RBFOX1: variants seen among roughly 807,000 people sequenced by gnomAD.
RBFOX1 encodes RNA binding protein fox-1 homolog 1.
Under a neutral mutation model 57.7 loss-of-function variants are expected in RBFOX1, and 8 were observed. The observed-to-expected ratio is 0.14, with a 90% confidence interval of 0.08 to 0.25. The LOEUF (loss-of-function observed/expected upper bound fraction) is 0.25. Ranked by LOEUF, RBFOX1 falls within the 10% of genes least tolerant of loss-of-function variation. The pLI, the probability that RBFOX1 is intolerant of heterozygous loss-of-function variation, is 1.00. For missense variants in RBFOX1, 611 were observed against 548.5 expected, an observed-to-expected ratio of 1.11 and a Z score of -1.14; for synonymous variants, 326 against 222.4, an observed-to-expected ratio of 1.47 and a Z score of -4.15.
At chr16:5,579,981 G>A (rs903361942) in intron 2 of RBFOX1, among the ~76,000 whole-genome samples, 5 of 152,040 alleles carry the variant, frequency 3.3e-5, no homozygotes, top group African/African-American at 1.2e-4. Flanking sequence ...AACATGGCTG[G>A]ACTGGTCTTG....
intron 1 of RBFOX1, among the ~76,000 whole-genome samples, chr16:6,087,105 T>C (rs2096097343): frequency 6.6e-6 from 1 of 152,180 alleles, no homozygotes; most frequent in Non-Finnish European, 1.5e-5. Context: ...AGTAATCCAA[T>C]TTCCGTCAGC....
At chr16:7,153,312 C>A (rs1041533184) in intron 4 of RBFOX1, among the ~76,000 whole-genome samples, 1 of 152,036 alleles carries the variant, frequency 6.6e-6, no homozygotes, top group Non-Finnish European at 1.5e-5. Flanking sequence ...TGATTTATTT[C>A]ATTTGATAAA....
intron 5 of RBFOX1, among the ~76,000 whole-genome samples, chr16:7,530,068 G>A (rs1029955332): frequency 6.6e-5 from 10 of 151,460 alleles, no homozygotes; most frequent in Admixed American, 5.3e-4. Flanking sequence ...CTGTATTTCA[G>A]GTTCATAAAA....
Position 6,262,846 on chromosome 16 carries a change from G to A in RBFOX1, c.-126-54149G>A, listed in dbSNP as rs140646834. ...TACCAGGGTCACAGTGGGCAACAAG[G>A]CAGGCCATCTCACAACCCTCATGGA... On this transcript the variant is annotated intron_variant, in intron 1 of 15. Transcript: ENST00000550418. Among the ~76,000 whole-genome samples the A allele has an allele frequency of 1.4e-4, 22 of 152,240 alleles. No homozygotes were observed. The East Asian group carries it at 3.3e-3, about 23-fold the overall frequency.
intron 3 of RBFOX1, among the ~76,000 whole-genome samples, chr16:6,693,202 C>G (rs1019076253): frequency 4.6e-5 from 7 of 151,664 alleles, no homozygotes; most frequent in Admixed American, 4.6e-4. Context: ...GCTACCATCA[C>G]CACCATCATC....
chr16:7,709,704 G>T, intron 15 of RBFOX1: 1 of 1,118,428 alleles, frequency 8.9e-7, no homozygotes, highest in South Asian at 2.8e-5. Flanking sequence ...AGCTGGGTTT[G>T]GGGGTTGCCT....
At chr16:7,567,465 ATATATATCCCTATGTATGGCCCTATATG>A (rs2092091454) in intron 5 of RBFOX1, among the ~76,000 whole-genome samples, 1 of 129,224 alleles carries the variant, frequency 7.7e-6, no homozygotes, top group Non-Finnish European at 1.6e-5. Context: ...ATGGCCCTAT[ATATATATCCCTATGTATGGCCCTATATG>A]TATATCCCTA....
intron 3 of RBFOX1, among the ~76,000 whole-genome samples, chr16:6,796,443 C>T (rs1021746660): frequency 4.6e-5 from 7 of 152,054 alleles, no homozygotes; most frequent in East Asian, 1.9e-4. Context: ...AGCACCCTAA[C>T]CCCCCACTGC....
At chr16:7,565,568 C>T (rs1440092970) in intron 5 of RBFOX1, among the ~76,000 whole-genome samples, 1 of 152,182 alleles carries the variant, frequency 6.6e-6, no homozygotes, top group Admixed American at 6.5e-5. Flanking sequence ...ATCAAGACCG[C>T]TCTTCAGTCT....
At chr16:7,105,777 G>GAGATATATATCTATATATCT (rs2063477061) in intron 4 of RBFOX1, among the ~76,000 whole-genome samples, 1 of 104,638 alleles carries the variant, frequency 9.6e-6, no homozygotes, top group Non-Finnish European at 1.9e-5. Flanking sequence ...TATCTATGTA[G>GAGATATATATCTATATATCT]ATGTATATAG....
At chr16:7,508,089 C>T (rs759920994) in intron 4 of RBFOX1, among the ~76,000 whole-genome samples, 2 of 151,914 alleles carry the variant, frequency 1.3e-5, no homozygotes, top group South Asian at 2.1e-4. Context: ...CGGGTTCAAG[C>T]GATTCTCGTG....
chr16:6,009,650 T>C (rs985499601), intron 4 of RBFOX1, among the ~76,000 whole-genome samples: 13 of 152,060 alleles, frequency 8.5e-5, no homozygotes, highest in African/African-American at 3.1e-4. Context: ...AAGGGAAATA[T>C]CCATGCACAA....
chr16:5,690,626 T>A (rs1393935745), intron 3 of RBFOX1, among the ~76,000 whole-genome samples: 2 of 152,180 alleles, frequency 1.3e-5, no homozygotes, highest in Non-Finnish European at 2.9e-5. Context: ...GGACTCGATT[T>A]TACTTCCCTC....
At position 6,859,151 on chromosome 16, in the gene RBFOX1, A is replaced by ACG. The variant is rs1555536823; in HGVS notation, c.-15-192906_-15-192905insCG. ...TATACATATATATACGTATATATAT[A>ACG]TGTATATATATACGTATATATATGT... On this transcript the variant is annotated intron_variant, in intron 3 of 15. Transcript: ENST00000550418. Among the ~76,000 whole-genome samples, 48 of 81,884 alleles carry ACG rather than the reference A, an allele frequency of 5.9e-4. 1 individual carries two copies. Among genetic ancestry groups the ACG allele is most frequent in the African/African-American group, 1.3e-3 (25 of 19,792 alleles). The allele number at this position is 81,884 out of a possible 152,430, so 53.7% of individuals were successfully genotyped here. A position where few individuals can be genotyped will look rare whatever the true frequency, so the allele number is the denominator to read the frequency against.
At chr16:6,588,969 A>G (rs947243781) in intron 2 of RBFOX1, among the ~76,000 whole-genome samples, 1 of 152,146 alleles carries the variant, frequency 6.6e-6, no homozygotes, top group African/African-American at 2.4e-5. Flanking sequence ...TAACCTATGC[A>G]TCTGTACTTT....
chr16:6,520,057 A>T (rs1193191625), intron 2 of RBFOX1, among the ~76,000 whole-genome samples: 1 of 152,122 alleles, frequency 6.6e-6, no homozygotes, highest in African/African-American at 2.4e-5. Context: ...TGCAGGTGCT[A>T]AGGTTTCTTA....
At chr16:7,152,772 C>G (rs371843517) in intron 4 of RBFOX1, among the ~76,000 whole-genome samples, 1 of 152,102 alleles carries the variant, frequency 6.6e-6, no homozygotes, top group Non-Finnish European at 1.5e-5. Context: ...GGTCCAGGTA[C>G]GATATTTTAT....
intron 3 of RBFOX1, among the ~76,000 whole-genome samples, chr16:5,778,002 G>A (rs1422807227): frequency 3.9e-5 from 6 of 152,126 alleles, no homozygotes; most frequent in African/African-American, 1.2e-4. Flanking sequence ...CAAAGATTCA[G>A]GAGCATTAAG....
At chr16:6,844,637 C>T (rs1191839152) in intron 3 of RBFOX1, among the ~76,000 whole-genome samples, 2 of 152,096 alleles carry the variant, frequency 1.3e-5, no homozygotes, top group African/African-American at 4.8e-5. Flanking sequence ...AATAGTGCTG[C>T]AATTAACTTA....
Sources: allele counts gnomAD v4.1 joint callset (sites outside exome capture counted in the v4.1 genomes callset), GRCh38; gene constraint gnomAD v4.1.1; transcripts MANE v1.5; gene names NCBI Gene and HGNC (gene_info 2026-07-23, HGNC 2026-07-21).